MYO18B: variants seen among roughly 807,000 people sequenced by gnomAD.
MYO18B encodes myosin XVIIIB, also known as unconventional myosin-XVIIIb.
MYO18B carries 204 observed loss-of-function variants against 273.0 expected under a neutral mutation model. That is an observed-to-expected ratio of 0.75 (90% CI 0.67 to 0.84). The LOEUF (loss-of-function observed/expected upper bound fraction) is 0.84, where lower values mean the gene tolerates loss of function less well. MYO18B is among the 40% of genes least tolerant of loss of function. The pLI is 0.00. For synonymous variants in MYO18B, 1,330 were observed against 1,305.7 expected (o/e 1.02, Z -0.40); for missense variants, 3,212 against 3,287.6 (o/e 0.98, Z 0.56).
chr22:25,777,874 A>G (rs1159226501), intron 8 of MYO18B, 93 bp downstream of exon 8: 1 of 1,275,354 alleles, frequency 7.8e-7, no homozygotes, highest in African/African-American at 1.5e-5. Flanking sequence ...TCATTCAGCT[A>G]GCATTCACTG....
At chr22:26,057,096 C>T in the MYO18B span, among the ~76,000 whole-genome samples, 719 of 152,182 alleles carry the variant, frequency 4.7e-3, 3 homozygotes, top group Middle Eastern at 0.031. Context: ...AGAGGACAAC[C>T]GTCCCCTGGG....
intron 34 of MYO18B, among the ~76,000 whole-genome samples, chr22:25,935,693 A>G (rs941475538): frequency 6.6e-6 from 1 of 152,084 alleles, no homozygotes; most frequent in Non-Finnish European, 1.5e-5. Context: ...GGCTCTGAAG[A>G]AAGGTACCAG....
At chr22:25,998,114 G>A (rs150098089) in intron 40 of MYO18B, among the ~76,000 whole-genome samples, 10 of 152,294 alleles carry the variant, frequency 6.6e-5, no homozygotes, top group African/African-American at 1.9e-4. Context: ...GGCTGGAAAC[G>A]TGGCTACGTG....
chr22:25,781,794 G>A lies in MYO18B; in HGVS notation c.2272G>A (p.Val758Ile), dbSNP rs1408954623. 2 of 1,595,420 alleles carry A rather than the reference G, an allele frequency of 1.3e-6. No homozygotes were observed. The highest frequency in any genetic ancestry group is 3.5e-5 in the Admixed American group (2 of 56,964). ...RQPEGESNFL[V>I]FSQMLAGLDL... ...GCCGGAAGGGGAAAGTAACTTCCTG[G>A]TTTTCTCCCAGATGCTGGCTGGATT... is the stretch of plus-strand genomic sequence containing the variant. The change falls in exon 10 of 44, where the codon GTT becomes ATT. Residue 758 changes from valine to isoleucine, a missense_variant. Val to Ile is a conservative substitution (Grantham distance 29). Transcript: ENST00000335473.
chr22:25,998,627 T>C (rs1376839055), intron 40 of MYO18B, among the ~76,000 whole-genome samples: 1 of 152,246 alleles, frequency 6.6e-6, no homozygotes, highest in Non-Finnish European at 1.5e-5. Flanking sequence ...GGCACGCTTC[T>C]GAGTTAATTT....
intron 29 of MYO18B, chr22:25,900,564 G>A (rs2091912124): frequency 6.6e-6 from 1 of 152,226 alleles, no homozygotes; most frequent in Admixed American, 6.5e-5. Context: ...ACAAAGCTTG[G>A]TTCTGAGGGC....
intron 42 of MYO18B, among the ~76,000 whole-genome samples, chr22:26,025,420 A>G (rs1344318422): frequency 6.6e-6 from 1 of 152,138 alleles, no homozygotes; most frequent in Non-Finnish European, 1.5e-5. Flanking sequence ...TTATACATAG[A>G]GTTCTGAATC....
chr22:25,912,719 A>G (rs1254497768), intron 33 of MYO18B, among the ~76,000 whole-genome samples: 1 of 152,200 alleles, frequency 6.6e-6, no homozygotes, highest in Admixed American at 6.5e-5. Flanking sequence ...ACGTTTTAAG[A>G]ACGGTTGGTG....
chr22:25,771,863 A>C (rs2086731655), intron 6 of MYO18B, among the ~76,000 whole-genome samples: 1 of 152,256 alleles, frequency 6.6e-6, no homozygotes, highest in African/African-American at 2.4e-5. Flanking sequence ...GAATCAATGC[A>C]TGATGGGCTA....
chr22:25,855,432 C>T (rs374934771), intron 21 of MYO18B, among the ~76,000 whole-genome samples: 26 of 152,036 alleles, frequency 1.7e-4, no homozygotes, highest in Admixed American at 7.9e-4. Context: ...TTCAGGCGCC[C>T]GCCACCACGC....
At chr22:25,843,592 A>G in intron 17 of MYO18B, 143 bp from the exon 18 acceptor site, 1 of 714,892 alleles carries the variant, frequency 1.4e-6, no homozygotes, top group East Asian at 2.6e-5. Context: ...TCACTACAGC[A>G]GGAGAAATGT....
rs527838532 is a variant in MYO18B at position 25,985,199 on chromosome 22, A to T, written c.6157-7164A>T. 2.0e-5 allele frequency among the ~76,000 whole-genome samples: 3 copies of T among 152,224 alleles called. No individual in the cohort carries two copies. The South Asian group carries it at 6.2e-4, about 32-fold the overall frequency. Reference sequence around the variant, plus strand: ...AACATGGTGAAATCTCATCTCTACTAAAAATACAAAAATTAGCCAGGCATA... The same window carrying T: ...AACATGGTGAAATCTCATCTCTACTTAAAATACAAAAATTAGCCAGGCATA... On this transcript the variant is annotated intron_variant, in intron 39 of 43. Coordinates refer to ENST00000335473, the MANE Select transcript of MYO18B (RefSeq NM_032608.7).
intron 4 of MYO18B, 110 bp downstream of exon 4, chr22:25,769,538 G>C: frequency 9.7e-7 from 1 of 1,028,230 alleles, no homozygotes; most frequent in Middle Eastern, 3.2e-4. Context: ...CGGGGGGTGG[G>C]CAGGGAATTG....
intron 33 of MYO18B, among the ~76,000 whole-genome samples, chr22:25,915,837 T>C (rs1249140284): frequency 1.3e-5 from 2 of 152,210 alleles, no homozygotes; most frequent in Non-Finnish European, 2.9e-5. Flanking sequence ...GGCACATAAG[T>C]AAGATTGTTT....
At chr22:26,057,960 A>G in the MYO18B span, among the ~76,000 whole-genome samples, 3 of 152,136 alleles carry the variant, frequency 2.0e-5, no homozygotes, top group Admixed American at 6.5e-5. Context: ...TTACTAATCA[A>G]TCATGGAAAT....
chr22:25,927,879 C>T (rs992752056), intron 34 of MYO18B, among the ~76,000 whole-genome samples: 7 of 152,150 alleles, frequency 4.6e-5, no homozygotes, highest in African/African-American at 1.7e-4. Flanking sequence ...TTCCCCGATA[C>T]TCTTTATTGG....
rs564994887 is a variant in MYO18B at position 25,777,679 on chromosome 22, A to G, written c.1966A>G (p.Ile656Val). 5.6e-6 allele frequency: 9 copies of G among 1,613,192 alleles called. No individual in the cohort carries two copies. In the African/African-American group the frequency reaches 1.2e-4, roughly 22 times the overall value. The change falls in exon 8 of 44, where the codon ATT (isoleucine) becomes GTT (valine). Residue 656 changes from isoleucine to valine, a missense_variant. By Grantham distance (29) the Ile-to-Val change is conservative. Coordinates refer to ENST00000335473, the MANE Select transcript of MYO18B (RefSeq NM_032608.7). ...GCTGAACCAGCGGAGAGACCAGAGCATTGTGGCCCTGGGCTGGAGTGGCGC... is the reference window on the plus strand; with the variant it reads ...GCTGAACCAGCGGAGAGACCAGAGCGTTGTGGCCCTGGGCTGGAGTGGCGC... ...ALLNQRRDQS[I>V]VALGWSGAGK...
At chr22:25,900,215 C>T (rs1192214653) in intron 29 of MYO18B, 3 of 152,222 alleles carry the variant, frequency 2.0e-5, no homozygotes, top group Non-Finnish European at 4.4e-5. Context: ...CTGTTACCAT[C>T]TCTAGGCAGA....
intron 33 of MYO18B, among the ~76,000 whole-genome samples, 192 bp downstream of exon 33, chr22:25,911,242 A>G (rs1416254637): frequency 3.3e-5 from 5 of 152,224 alleles, no homozygotes; most frequent in Non-Finnish European, 7.3e-5. Context: ...CCCATGGGGA[A>G]TAAAGAGAGT....
Sources: allele counts gnomAD v4.1 joint callset (sites outside exome capture counted in the v4.1 genomes callset), GRCh38; gene constraint gnomAD v4.1.1; transcripts MANE v1.5; gene names NCBI Gene and HGNC (gene_info 2026-07-23, HGNC 2026-07-21).